HTT: variants seen among roughly 807,000 people sequenced by gnomAD.
The protein encoded by HTT is huntingtin, also known as huntington disease protein.
Under a neutral mutation model 362.3 loss-of-function variants are expected in HTT, and 104 were observed. The ratio of observed to expected loss-of-function variants is 0.29; its 90% confidence interval spans 0.24 to 0.34. The LOEUF is 0.34. Ranked by LOEUF, HTT falls within the 10% of genes least tolerant of loss-of-function variation. The pLI, the probability that HTT is intolerant of heterozygous loss-of-function variation, is 1.00. For missense variants in HTT, 3,301 were observed against 3,928.6 expected (o/e 0.84, Z 4.27); for synonymous variants, 1,577 against 1,548.7 (o/e 1.02, Z -0.43).
In HTT at chr4:3,229,857, C is replaced by G. The variant is rs779743492; in HGVS notation, c.8110-30C>G. Reference sequence around the variant, plus strand: ...CTGGATTCTAACAGCGCGATTCTCCCCTTGCCCTCCTGGTTTTCCACATCT... The same window carrying G: ...CTGGATTCTAACAGCGCGATTCTCCGCTTGCCCTCCTGGTTTTCCACATCT... On this transcript the variant is annotated intron_variant, in intron 59 of 66. Transcript: ENST00000355072. 3.0e-5 allele frequency: 49 copies of G among 1,612,490 alleles called. No individual in the cohort carries two copies. The South Asian group carries it at 5.2e-4, about 17-fold the overall frequency.
intron 38 of HTT, 57 bp from the exon 39 acceptor site, chr4:3,187,594 G>A (rs2110248188): frequency 7.6e-7 from 1 of 1,312,174 alleles, no homozygotes. Context: ...GGCAATTGGG[G>A]GAAATTTAAT....
At chr4:3,190,964 T>C (rs1019159444) in intron 40 of HTT, among the ~76,000 whole-genome samples, 1 of 152,150 alleles carries the variant, frequency 6.6e-6, no homozygotes, top group African/African-American at 2.4e-5. Context: ...GGTCCAAATA[T>C]GAGGCAAACC....
rs150110247 is a variant in HTT, at chr4:3,193,124, C to G, written c.5368+4031C>G. Among the ~76,000 whole-genome samples the G allele has an allele frequency of 1.7e-3, 263 of 152,320 alleles. 2 individuals are homozygous for G. Among genetic ancestry groups the G allele is most frequent in the Admixed American group, 3.0e-3 (46 of 15,306 alleles). ...GAGTACAGGCAGGCAGGCAGGATGC[C>G]GGTAGGGCCCGGCCGCACGGCGCCA... On this transcript the variant is annotated intron_variant, in intron 40 of 66. Coordinates refer to ENST00000355072, the MANE Select transcript of HTT (RefSeq NM_001388492.1).
At chr4:3,084,814 C>T (rs1038735979) in intron 1 of HTT, among the ~76,000 whole-genome samples, 2 of 151,864 alleles carry the variant, frequency 1.3e-5, no homozygotes, top group Non-Finnish European at 2.9e-5. Context: ...GAGATCCAGA[C>T]CATCCCGGCT....
At chr4:3,234,909 C>A (rs3025810) in intron 61 of HTT, among the ~76,000 whole-genome samples, 53 of 152,230 alleles carry the variant, frequency 3.5e-4, no homozygotes, top group African/African-American at 1.3e-3. Flanking sequence ...ATGGCATGTG[C>A]CATGAAGGAA....
At chr4:3,159,498 T>G (rs1025234832) in intron 28 of HTT, among the ~76,000 whole-genome samples, 13 of 152,314 alleles carry the variant, frequency 8.5e-5, no homozygotes, top group Admixed American at 7.8e-4. Context: ...CACTGCTGGA[T>G]TTTTCTTTCC....
intron 54 of HTT, 102 bp downstream of exon 54, chr4:3,222,589 C>T: frequency 1.2e-6 from 1 of 816,688 alleles, no homozygotes; most frequent in Non-Finnish European, 2.0e-6. Flanking sequence ...TTCTTTTTTT[C>T]TCTTACCTTA....
intron 37 of HTT, among the ~76,000 whole-genome samples, chr4:3,182,888 C>G (rs1161704568): frequency 6.6e-6 from 1 of 152,022 alleles, no homozygotes; most frequent in East Asian, 1.9e-4. Context: ...TTTCCTTTCC[C>G]TTCCTTTCCT....
At chr4:3,189,238 A>G (rs564471559) in intron 40 of HTT, 145 bp downstream of exon 40, 33 of 773,948 alleles carry the variant, frequency 4.3e-5, no homozygotes, top group Non-Finnish European at 5.7e-5. Flanking sequence ...GTAAGAGTAC[A>G]CCTGATACCA....
At chr4:3,076,684 G>A (rs908736075) in intron 1 of HTT, among the ~76,000 whole-genome samples, 26 of 152,142 alleles carry the variant, frequency 1.7e-4, no homozygotes, top group Non-Finnish European at 3.1e-4. Flanking sequence ...GCTCCTGATG[G>A]GAAGGAAGAC....
chr4:3,229,850 A>G (rs1241970372), intron 59 of HTT, 37 bp from the exon 60 acceptor site: 29 of 1,610,836 alleles, frequency 1.8e-5, no homozygotes, highest in Non-Finnish European at 2.2e-5. Context: ...TAACAGCGCG[A>G]TTCTCCCCTT....
chr4:3,093,680 A>T (rs1713636911), intron 2 of HTT, among the ~76,000 whole-genome samples: 1 of 152,012 alleles, frequency 6.6e-6, no homozygotes, highest in African/African-American at 2.4e-5. Context: ...GCAGAGGGAG[A>T]TTTTACACAC....
chr4:3,124,274 A>T (rs1354412057), intron 10 of HTT, among the ~76,000 whole-genome samples: 1 of 152,196 alleles, frequency 6.6e-6, no homozygotes, highest in Non-Finnish European at 1.5e-5. Flanking sequence ...GGCGGTGAGA[A>T]CGAAGATGAC....
intron 23 of HTT, among the ~76,000 whole-genome samples, chr4:3,144,937 C>T (rs1364204806): frequency 6.6e-6 from 1 of 152,132 alleles, no homozygotes; most frequent in African/African-American, 2.4e-5. Flanking sequence ...ACAGGAACCT[C>T]TCTTCATTGG....
intron 34 of HTT, among the ~76,000 whole-genome samples, 164 bp downstream of exon 34, chr4:3,177,551 A>G (rs752137223): frequency 3.3e-5 from 5 of 152,242 alleles, no homozygotes; most frequent in Non-Finnish European, 7.3e-5. Context: ...TTAAAAATTA[A>G]TGTATATCTC....
chr4:3,140,292 C>T (rs945887278), intron 21 of HTT, among the ~76,000 whole-genome samples: 2 of 151,202 alleles, frequency 1.3e-5, no homozygotes, highest in Admixed American at 6.6e-5. Context: ...AAAGAAAGTA[C>T]AGCACCCAGT....
chr4:3,207,130 C>T (rs1253266526), intron 44 of HTT, 147 bp downstream of exon 44: 5 of 1,036,104 alleles, frequency 4.8e-6, no homozygotes, highest in East Asian at 2.6e-5. Flanking sequence ...TGCCGTTACT[C>T]GTGTGTCCGA....
chr4:3,209,723 A>T (rs1415363002), intron 46 of HTT, 104 bp from the exon 47 acceptor site: 1 of 1,389,868 alleles, frequency 7.2e-7, no homozygotes, highest in Non-Finnish European at 1.0e-6. Context: ...CTCTCAGCCT[A>T]GTGCGGTGTT....
At position 3,237,288 on chromosome 4, in the gene HTT, G is replaced by T. The variant is rs538132356; in HGVS notation, c.8891+1034G>T. ...GGGGTTTCACCGTGTTGGCTGGGCT[G>T]GTCTCGAACTCCTGAACTCAAGTGA... On this transcript the variant is annotated intron_variant, in intron 64 of 66. Transcript: ENST00000355072. 1.2e-4 allele frequency among the ~76,000 whole-genome samples: 18 copies of T among 152,286 alleles called. 1 individual carries two copies. The South Asian group carries it at 3.7e-3, about 32-fold the overall frequency.
Sources: allele counts gnomAD v4.1 joint callset (sites outside exome capture counted in the v4.1 genomes callset), GRCh38; gene constraint gnomAD v4.1.1; transcripts MANE v1.5; gene names NCBI Gene and HGNC (gene_info 2026-07-23, HGNC 2026-07-21).